The following CLSTN2 variants were observed in gnomAD, a reference collection of about 807,000 sequenced individuals.
CLSTN2 encodes the protein calsyntenin-2.
A neutral mutation model predicts 101.2 loss-of-function variants in CLSTN2; 48 were observed. That is an observed-to-expected ratio of 0.47 (90% CI 0.38 to 0.60). The LOEUF (loss-of-function observed/expected upper bound fraction) is 0.60, where lower values mean the gene tolerates loss of function less well. Ranked by LOEUF, CLSTN2 falls within the 20% of genes least tolerant of loss-of-function variation. The pLI is 0.00. For missense variants in CLSTN2, 1,160 were observed against 1,238.2 expected (o/e 0.94, Z 0.95); for synonymous variants, 481 against 463.6 (o/e 1.04, Z -0.48).
intron 1 of CLSTN2, among the ~76,000 whole-genome samples, chr3:140,070,144 T>C (rs2008366681): frequency 6.6e-6 from 1 of 152,208 alleles, no homozygotes; most frequent in Admixed American, 6.5e-5. Flanking sequence ...TTTGATTTCA[T>C]TTAGATGCCA....
chr3:140,413,454 C>T (rs1468695966), intron 4 of CLSTN2, among the ~76,000 whole-genome samples: 1 of 152,092 alleles, frequency 6.6e-6, no homozygotes, highest in Non-Finnish European at 1.5e-5. Context: ...GATGGCTTCA[C>T]AGCTGAATTC....
chr3:140,488,131 A>G (rs1299385718), intron 8 of CLSTN2, among the ~76,000 whole-genome samples: 1 of 152,252 alleles, frequency 6.6e-6, no homozygotes, highest in African/African-American at 2.4e-5. Flanking sequence ...AAAAAAAAGC[A>G]TTCCTTAGGG....
intron 9 of CLSTN2, among the ~76,000 whole-genome samples, chr3:140,533,120 C>A (rs1274184999): frequency 6.6e-6 from 1 of 152,212 alleles, no homozygotes; most frequent in African/African-American, 2.4e-5. Flanking sequence ...CTCTCCTAAT[C>A]CCCAAACCCA....
At chr3:140,116,595 G>A (rs566165043) in intron 1 of CLSTN2, among the ~76,000 whole-genome samples, 2 of 152,264 alleles carry the variant, frequency 1.3e-5, no homozygotes, top group East Asian at 1.9e-4. Flanking sequence ...CTGTACTTTT[G>A]TACCATTCTG....
intron 2 of CLSTN2, among the ~76,000 whole-genome samples, chr3:140,338,136 G>A (rs1333292796): frequency 6.6e-6 from 1 of 152,154 alleles, no homozygotes; most frequent in Admixed American, 6.5e-5. Flanking sequence ...GATGCAGAAG[G>A]TCATTGACCT....
At chr3:140,025,745 C>T (rs1358338734) in intron 1 of CLSTN2, among the ~76,000 whole-genome samples, 2 of 152,166 alleles carry the variant, frequency 1.3e-5, no homozygotes, top group Non-Finnish European at 2.9e-5. Context: ...TCAGTGATAT[C>T]TGTTTTGCTG....
At chr3:140,205,251 G>A (rs537863044) in intron 2 of CLSTN2, among the ~76,000 whole-genome samples, 2 of 152,152 alleles carry the variant, frequency 1.3e-5, no homozygotes, top group African/African-American at 2.4e-5. Flanking sequence ...TTATACCTAC[G>A]TGTGGTTCAA....
chr3:140,198,821 G>T (rs974464859), intron 2 of CLSTN2, among the ~76,000 whole-genome samples: 10 of 152,164 alleles, frequency 6.6e-5, no homozygotes, highest in African/African-American at 2.4e-4. Flanking sequence ...GCTGAATTTA[G>T]CCTGTGGGTT....
intron 2 of CLSTN2, among the ~76,000 whole-genome samples, chr3:140,357,747 C>T (rs936659313): frequency 6.6e-6 from 1 of 152,130 alleles, no homozygotes; most frequent in Non-Finnish European, 1.5e-5. Flanking sequence ...CAGGGTTAGT[C>T]CTATGCAGAG....
chr3:140,171,283 T>G (rs1422764029), intron 1 of CLSTN2, among the ~76,000 whole-genome samples: 1 of 152,084 alleles, frequency 6.6e-6, no homozygotes, highest in East Asian at 1.9e-4. Context: ...GGCCAGAGCT[T>G]CTCTCTGCCC....
intron 9 of CLSTN2, among the ~76,000 whole-genome samples, chr3:140,536,286 A>G (rs75339043): frequency 0.016 from 2,492 of 151,972 alleles, 65 homozygotes; most frequent in African/African-American, 0.056. Flanking sequence ...AGGCACATCT[A>G]GTGTGCTTGG....
chr3:140,179,683 T>A (rs1236736494), intron 2 of CLSTN2, among the ~76,000 whole-genome samples: 1 of 128,832 alleles, frequency 7.8e-6, no homozygotes, highest in Non-Finnish European at 1.7e-5. Context: ...TTGAATACTA[T>A]ACCTTATTTT....
intron 2 of CLSTN2, among the ~76,000 whole-genome samples, chr3:140,388,048 G>T (rs150919439): frequency 1.5e-4 from 23 of 152,308 alleles, no homozygotes; most frequent in Admixed American, 1.5e-3. Flanking sequence ...TGCTTCTCAC[G>T]CTTCACCAGC....
In CLSTN2 at chr3:140,427,230, T is replaced by TAC. The variant is rs1491485747; in HGVS notation, c.787+5957_787+5958insCA. On this transcript the variant is annotated intron_variant, in intron 5 of 16. Transcript: ENST00000458420. The stretch of plus-strand genomic sequence containing the variant: ...GTGTATATATATATATATATGTGTG[T>TAC]ATATATATATATATACATATATATA... Among the ~76,000 whole-genome samples, 153 of 31,014 alleles carry TAC rather than the reference T, an allele frequency of 4.9e-3. 1 individual carries two copies. The highest frequency in any genetic ancestry group is 0.027 in the African/African-American group (74 of 2,766). The allele number at this position is 31,014 out of a possible 152,430, so 20.3% of individuals were successfully genotyped here.
At chr3:140,183,214 A>G (rs970307188) in intron 2 of CLSTN2, among the ~76,000 whole-genome samples, 6 of 152,186 alleles carry the variant, frequency 3.9e-5, no homozygotes, top group African/African-American at 4.8e-5. Flanking sequence ...ACTAATGTTT[A>G]GGGGACAATC....
chr3:140,218,876 T>C (rs2086235239), intron 2 of CLSTN2, among the ~76,000 whole-genome samples: 1 of 152,092 alleles, frequency 6.6e-6, no homozygotes, highest in Non-Finnish European at 1.5e-5. Flanking sequence ...CTTTCACAAA[T>C]GTGGTCATGT....
chr3:140,479,516 A>G (rs1934066665), intron 8 of CLSTN2, among the ~76,000 whole-genome samples: 1 of 152,246 alleles, frequency 6.6e-6, no homozygotes, highest in African/African-American at 2.4e-5. Context: ...CAAGAGAAAC[A>G]GACCCTGATA....
At chr3:140,086,222 C>T (rs1265653741) in intron 1 of CLSTN2, among the ~76,000 whole-genome samples, 1 of 152,162 alleles carries the variant, frequency 6.6e-6, no homozygotes, top group Admixed American at 6.6e-5. Context: ...ACCTATATCT[C>T]TGTTCGGTGA....
intron 1 of CLSTN2, among the ~76,000 whole-genome samples, chr3:140,171,291 C>A (rs531637009): frequency 1.3e-5 from 2 of 152,084 alleles, no homozygotes; most frequent in Non-Finnish European, 1.5e-5. Flanking sequence ...CTTCTCTCTG[C>A]CCTGGGCATG....
Sources: gnomAD v4.1 joint callset for allele counts (sites outside exome capture counted in the v4.1 genomes callset) on GRCh38, gnomAD v4.1.1 for gene constraint, MANE v1.5 for transcripts, NCBI Gene and HGNC (gene_info 2026-07-23, HGNC 2026-07-21) for gene names.